CECR2: variants seen among roughly 807,000 people sequenced by gnomAD.
CECR2 encodes CECR2 histone acetyl-lysine reader, also known as chromatin remodeling regulator CECR2.
In CECR2, 30 loss-of-function variants were observed where a neutral mutation model predicts 154.5. That is an observed-to-expected ratio of 0.19 (90% CI 0.15 to 0.26). The LOEUF is 0.26. Among genes scored for constraint, CECR2 ranks in the 10% least tolerant of loss-of-function variants. The pLI is 1.00. For missense variants in CECR2, 1,743 were observed against 1,829.3 expected (o/e 0.95, Z 0.86); for synonymous variants, 725 against 683.7 (o/e 1.06, Z -0.94).
At chr22:17,464,427 C>T (rs2054992540) in intron 1 of CECR2, among the ~76,000 whole-genome samples, 1 of 152,008 alleles carries the variant, frequency 6.6e-6, no homozygotes, top group Non-Finnish European at 1.5e-5. Flanking sequence ...CTGTCTTGGC[C>T]CAATTCAGTT....
intron 1 of CECR2, among the ~76,000 whole-genome samples, chr22:17,476,572 A>G (rs1055354120): frequency 6.6e-5 from 10 of 152,184 alleles, no homozygotes; most frequent in Admixed American, 3.3e-4. Flanking sequence ...TGTGTCTGCT[A>G]TCATGTAATT....
intron 1 of CECR2, among the ~76,000 whole-genome samples, chr22:17,391,984 TAG>T (rs2063330787): frequency 6.6e-6 from 1 of 152,160 alleles, no homozygotes; most frequent in South Asian, 2.1e-4. Flanking sequence ...GTATTTTTAG[TAG>T]AGACGGGGTT....
intron 2 of CECR2, among the ~76,000 whole-genome samples, chr22:17,487,049 G>C (rs764155402): frequency 6.6e-6 from 1 of 152,184 alleles, no homozygotes; most frequent in African/African-American, 2.4e-5. Context: ...TTTTCAGCTC[G>C]ATGGTGAAAT....
intron 1 of CECR2, among the ~76,000 whole-genome samples, chr22:17,439,790 G>A (rs556184536): frequency 6.6e-6 from 1 of 152,330 alleles, no homozygotes; most frequent in East Asian, 1.9e-4. Context: ...GACAAGGAAT[G>A]TCATTGCAGC....
chr22:17,470,392 CAAAA>C (rs5844313), intron 1 of CECR2, among the ~76,000 whole-genome samples: 1 of 99,838 alleles, frequency 1.0e-5, no homozygotes, highest in African/African-American at 3.3e-5. Flanking sequence ...GACTCCGTCT[CAAAA>C]AAAAAAAAAA....
rs914379185 is a variant in CECR2, at chr22:17,504,973, G to A, written c.827G>A (p.Ser276Asn). The A allele has an allele frequency of 6.2e-7, 1 of 1,613,618 alleles. No individual in the cohort carries two copies. Among genetic ancestry groups the A allele is most frequent in the African/African-American group, 1.3e-5 (1 of 74,860 alleles). The change falls in exon 7 of 19, where the codon AGT becomes AAT. Residue 276 changes from serine to asparagine, a missense_variant. This residue lies in a region of CECR2 where 292 missense variants were observed against 301.2 expected (regional missense o/e 0.97). Transcript: ENST00000262608. ...LRERQLYKLL[S>N]EDFLPEICNM... ...GAACGGCAGCTCTACAAGCTCCTCA[G>A]TGAGGACTTCCTGCCTGAGATCTGC... is the stretch of plus-strand genomic sequence containing the variant.
At chr22:17,465,610 G>C (rs2055018345) in intron 1 of CECR2, among the ~76,000 whole-genome samples, 1 of 151,980 alleles carries the variant, frequency 6.6e-6, no homozygotes, top group Non-Finnish European at 1.5e-5. Context: ...TCAACCTCCT[G>C]AGTAGCTGGG....
At chr22:17,482,971 G>A (rs1005310253) in intron 2 of CECR2, among the ~76,000 whole-genome samples, 2 of 151,972 alleles carry the variant, frequency 1.3e-5, no homozygotes, top group South Asian at 2.1e-4. Flanking sequence ...GTGAGCCACC[G>A]CGCCCAGCCT....
intron 1 of CECR2, among the ~76,000 whole-genome samples, chr22:17,432,436 TC>T (rs1216132459): frequency 3.3e-5 from 5 of 152,216 alleles, no homozygotes; most frequent in African/African-American, 1.2e-4. Context: ...CTATGAATAT[TC>T]CTGTAAAAGT....
rs1024773543 is a variant in CECR2 at position 17,405,513 on chromosome 22, G to A, written c.126+35604G>A. ...AAATTAGACGGGTGTGGTGGCTGCC[G>A]CCTGTGATCCCAGCTACTCCAGAGG... is the stretch of plus-strand genomic sequence containing the variant. On this transcript the variant is annotated intron_variant, in intron 1 of 18. Coordinates refer to ENST00000262608, the MANE Select transcript of CECR2 (RefSeq NM_001290047.2). Among the ~76,000 whole-genome samples the A allele has an allele frequency of 6.7e-5, 10 of 149,758 alleles. 1 individual carries two copies. In the East Asian group the frequency reaches 1.4e-3, roughly 20 times the overall value.
intron 9 of CECR2, among the ~76,000 whole-genome samples, chr22:17,525,819 TTTTAA>T (rs1389705586): frequency 2.0e-5 from 3 of 152,132 alleles, no homozygotes; most frequent in African/African-American, 7.2e-5. Context: ...ACACCTGTCA[TTTTAA>T]TTTATATAGG....
In CECR2 at chr22:17,552,947, C is replaced by A; in HGVS notation, c.*107C>A. On this transcript the variant is annotated 3_prime_UTR_variant, in exon 19 of 19. Transcript: ENST00000262608. ...CTCTATTCCCATCACCTGCTCCACC[C>A]CTTCACGGCGACCCACTCGTGCCAT... is the stretch of plus-strand genomic sequence containing the variant. The A allele has an allele frequency of 6.6e-7, 1 of 1,512,010 alleles. No individual in the cohort carries two copies. Among genetic ancestry groups the A allele is most frequent in the East Asian group, 2.5e-5 (1 of 40,590 alleles). The allele number at this position is 1,512,010 out of a possible 1,614,324, so 93.7% of individuals were successfully genotyped here.
chr22:17,387,313 T>C (rs2146493202), intron 1 of CECR2, among the ~76,000 whole-genome samples: 1 of 152,284 alleles, frequency 6.6e-6, no homozygotes, highest in Admixed American at 6.5e-5. Context: ...CAGTAATCTA[T>C]AACACATCTC....
Position 17,554,672 on chromosome 22 carries a change from CAGAG to C in CECR2, c.*1835_*1838del, listed in dbSNP as rs1025133742. ...ATGCACAAAAATACAGATTTTCTCT[CAGAG>C]AGGTTTTAATTTTAAATTTGATGTA... is the stretch of plus-strand genomic sequence containing the variant. On this transcript the variant is annotated 3_prime_UTR_variant, in exon 19 of 19. Transcript: ENST00000262608. 8.5e-5 allele frequency: 13 copies of C among 152,254 alleles called. No homozygotes were observed. The highest frequency in any genetic ancestry group is 2.0e-4 in the Admixed American group (3 of 15,288). 9.4% of individuals were successfully genotyped at this position (152,254 alleles called of 1,614,324 possible). A position where few individuals can be genotyped will look rare whatever the true frequency, so the allele number is the denominator to read the frequency against.
chr22:17,430,599 G>C (rs535484559), intron 1 of CECR2, among the ~76,000 whole-genome samples: 2 of 152,270 alleles, frequency 1.3e-5, no homozygotes, highest in East Asian at 3.9e-4. Flanking sequence ...AGACTGCCCT[G>C]TCAGATTGTA....
At chr22:17,504,526 T>C (rs1227337305) in intron 6 of CECR2, among the ~76,000 whole-genome samples, 1 of 151,944 alleles carries the variant, frequency 6.6e-6, no homozygotes, top group African/African-American at 2.4e-5. Context: ...AAGCTCCGCC[T>C]CCCGGGTTCA....
chr22:17,499,421 A>C lies in CECR2; in HGVS notation c.417A>C (p.Ala139=). Residue 139 remains alanine, a synonymous_variant, in exon 4 of 19, where the codon GCA becomes GCC. Coordinates refer to ENST00000262608, the MANE Select transcript of CECR2 (RefSeq NM_001290047.2). The stretch of plus-strand genomic sequence containing the variant: ...CGTGCTCTGTGTAGGGCCTGGATGC[A>C]GACAGTCTCCGTGTGGAGCCATTGG... ...DVFDLLKGLD[A]DSLRVEPLGE... 1 of 1,613,644 alleles carries C rather than the reference A, an allele frequency of 6.2e-7. No homozygotes were observed.
In CECR2 at chr22:17,549,518, AGAAGTG is replaced by A. The variant is rs1320272768; in HGVS notation, c.4235_4240del (p.Ser1412_Gly1413del). ...TGTGATGATGGAACAAATTGGCACT[AGAAGTG>A]GAATAAGAGGACCTTTCCAGGAAAT... is the stretch of plus-strand genomic sequence containing the variant. On this transcript the variant is annotated inframe_deletion, in exon 17 of 19. Transcript: ENST00000262608. The A allele has an allele frequency of 2.5e-6, 4 of 1,605,740 alleles. No individual in the cohort carries two copies. In the African/African-American group the frequency reaches 5.3e-5, roughly 21 times the overall value.
chr22:17,460,609 C>T (rs2054923024), intron 1 of CECR2, among the ~76,000 whole-genome samples: 1 of 152,266 alleles, frequency 6.6e-6, no homozygotes, highest in Admixed American at 6.5e-5. Flanking sequence ...AGTTTCTTGC[C>T]CCATCAGTTT....
Sources: allele counts gnomAD v4.1 joint callset (sites outside exome capture counted in the v4.1 genomes callset), GRCh38; gene constraint gnomAD v4.1.1; regional missense constraint gnomAD v4.1.1; transcripts MANE v1.5; gene names NCBI Gene and HGNC (gene_info 2026-07-23, HGNC 2026-07-21).